LRIF1: variants seen among roughly 807,000 people sequenced by gnomAD.
LRIF1 encodes ligand-dependent nuclear receptor-interacting factor 1.
Under a neutral mutation model 52.7 loss-of-function variants are expected in LRIF1, and 32 were observed. That is an observed-to-expected ratio of 0.61 (90% confidence interval 0.46 to 0.82). The LOEUF (loss-of-function observed/expected upper bound fraction) is 0.82, where lower values mean the gene tolerates loss of function less well. LRIF1 is among the 40% of genes least tolerant of loss of function. The pLI is 0.00. For synonymous variants in LRIF1, 323 were observed against 317.4 expected (o/e 1.02, Z -0.19); for missense variants, 887 against 892.0 (o/e 0.99, Z 0.07).
the LRIF1 span, chr1:110,897,934 T>G: frequency 8.8e-7 from 1 of 1,135,516 alleles, no homozygotes; most frequent in Non-Finnish European, 1.3e-6. Context: ...ATTACATGAG[T>G]TAAGTCAGGT....
At chr1:110,929,254 G>A in the LRIF1 span, among the ~76,000 whole-genome samples, 4 of 152,282 alleles carry the variant, frequency 2.6e-5, no homozygotes, top group East Asian at 7.7e-4. Context: ...ATGATAGAAT[G>A]ATTTCTATTC....
the LRIF1 span, among the ~76,000 whole-genome samples, chr1:110,927,223 G>A: frequency 2.0e-5 from 3 of 152,068 alleles, no homozygotes; most frequent in African/African-American, 4.8e-5. Flanking sequence ...TCAATCAGAG[G>A]AGCAGAATCA....
chr1:110,880,879 C>T, the LRIF1 span, among the ~76,000 whole-genome samples: 104 of 152,154 alleles, frequency 6.8e-4, 3 homozygotes, highest in East Asian at 0.02. Context: ...GGTGTGAAGA[C>T]TTAGACACAA....
chr1:110,917,666 G>A, the LRIF1 span, among the ~76,000 whole-genome samples: 3 of 144,648 alleles, frequency 2.1e-5, no homozygotes, highest in Admixed American at 7.0e-5. Flanking sequence ...TTTTTGGAGA[G>A]AGGTCAACAT....
At chr1:110,903,571 A>T in the LRIF1 span, among the ~76,000 whole-genome samples, 14 of 152,182 alleles carry the variant, frequency 9.2e-5, no homozygotes, top group African/African-American at 3.4e-4. Context: ...TCCTGGCAAC[A>T]TTCATCACCT....
chr1:110,948,741 TGGAG>T (rs1658323318), intron 3 of LRIF1, among the ~76,000 whole-genome samples: 1 of 152,166 alleles, frequency 6.6e-6, no homozygotes, highest in Non-Finnish European at 1.5e-5. Context: ...CAGGCACATA[TGGAG>T]GATTTTCATT....
chr1:110,899,573 T>C, the LRIF1 span: 2 of 190,924 alleles, frequency 1.0e-5, no homozygotes, highest in Admixed American at 1.2e-4. Context: ...ATGCCCAGTC[T>C]TCTCCCCAAA....
the LRIF1 span, chr1:110,896,679 G>A: frequency 1.6e-5 from 26 of 1,613,562 alleles, no homozygotes; most frequent in Middle Eastern, 1.7e-4. Flanking sequence ...TAAATGGCAC[G>A]AGTGATTGGA....
chr1:110,888,327 G>A, the LRIF1 span, among the ~76,000 whole-genome samples: 1 of 152,156 alleles, frequency 6.6e-6, no homozygotes, highest in African/African-American at 2.4e-5. Flanking sequence ...TTTGTACATT[G>A]CGGTGTCCTG....
At chr1:110,958,150 C>T (rs1658785118) in intron 1 of LRIF1, among the ~76,000 whole-genome samples, 1 of 152,200 alleles carries the variant, frequency 6.6e-6, no homozygotes, top group Non-Finnish European at 1.5e-5. Flanking sequence ...CAATCTAGCT[C>T]CAACCAATCT....
chr1:110,913,884 A>G, the LRIF1 span, among the ~76,000 whole-genome samples: 1 of 152,188 alleles, frequency 6.6e-6, no homozygotes, highest in South Asian at 2.1e-4. Context: ...AAGACATGGA[A>G]TCAACCTGGA....
the LRIF1 span, chr1:110,880,373 G>A: frequency 6.6e-6 from 1 of 152,256 alleles, no homozygotes; most frequent in East Asian, 1.9e-4. Context: ...TGAGTCTGGA[G>A]AGGTAGAAAG....
chr1:110,897,882 G>A, the LRIF1 span: 1 of 1,601,238 alleles, frequency 6.2e-7, no homozygotes, highest in Non-Finnish European at 8.6e-7. Flanking sequence ...ATCTGTGTAT[G>A]TGTGATTGAG....
the LRIF1 span, among the ~76,000 whole-genome samples, chr1:110,884,300 A>C: frequency 7.2e-5 from 11 of 151,978 alleles, no homozygotes; most frequent in Non-Finnish European, 1.5e-4. Flanking sequence ...TAGTTTCCCA[A>C]TTTGAGGAAA....
chr1:110,921,955 C>T, the LRIF1 span, among the ~76,000 whole-genome samples: 1 of 152,330 alleles, frequency 6.6e-6, no homozygotes, highest in South Asian at 2.1e-4. Context: ...ATTATCTTTT[C>T]TGCTCCTCTC....
At chr1:110,875,185 T>C in the LRIF1 span, among the ~76,000 whole-genome samples, 460 of 152,282 alleles carry the variant, frequency 3.0e-3, 3 homozygotes, top group African/African-American at 0.011. Flanking sequence ...CAAAGAAGTG[T>C]GTACCTCCAG....
At chr1:110,930,650 C>G in the LRIF1 span, among the ~76,000 whole-genome samples, 2 of 152,136 alleles carry the variant, frequency 1.3e-5, no homozygotes, top group Non-Finnish European at 2.9e-5. Context: ...TCTCCAAATA[C>G]AGTTATACTG....
the LRIF1 span, among the ~76,000 whole-genome samples, chr1:110,933,461 G>A: frequency 1.3e-5 from 2 of 152,136 alleles, no homozygotes; most frequent in African/African-American, 4.8e-5. Context: ...TTGAATCACT[G>A]ACACCACCCC....
chr1:110,902,135 A>G, the LRIF1 span, among the ~76,000 whole-genome samples: 1 of 152,262 alleles, frequency 6.6e-6, no homozygotes, highest in East Asian at 1.9e-4. Context: ...TTCTGCATAT[A>G]GCAGCCAAAG....
Sources: gnomAD v4.1 joint callset for allele counts (sites outside exome capture counted in the v4.1 genomes callset) on GRCh38, gnomAD v4.1.1 for gene constraint, MANE v1.5 for transcripts, NCBI Gene and HGNC (gene_info 2026-07-23, HGNC 2026-07-21) for gene names.